SPEF2: variants seen among roughly 807,000 people sequenced by gnomAD.
The protein encoded by SPEF2 is sperm flagellar and cilia associated 2, also known as sperm flagella and cilia-associated protein 2.
In SPEF2, 187 loss-of-function variants were observed where a neutral mutation model predicts 224.6. The observed-to-expected ratio is 0.83, with a 90% CI of 0.74 to 0.94. The LOEUF is 0.94. SPEF2 is among the 40% of genes least tolerant of loss of function. SPEF2 has a pLI of 0.00. For synonymous variants in SPEF2, 715 were observed against 707.3 expected (o/e 1.01, Z -0.17); for missense variants, 2,170 against 2,135.6 (o/e 1.02, Z -0.32).
intron 36 of SPEF2, 138 bp downstream of exon 36, chr5:35,807,391 C>A: frequency 1.5e-6 from 2 of 1,306,132 alleles, no homozygotes; most frequent in Non-Finnish European, 2.1e-6. Flanking sequence ...AGAAGCTAAG[C>A]TGGTAATCAC....
At chr5:35,803,612 T>C (rs1409486832) in intron 34 of SPEF2, among the ~76,000 whole-genome samples, 1 of 152,200 alleles carries the variant, frequency 6.6e-6, no homozygotes, top group Non-Finnish European at 1.5e-5. Context: ...ACCTTCTTCA[T>C]TCTCACTCAC....
At chr5:35,751,096 C>CACACATATATATATATAT (rs1554048857) in intron 23 of SPEF2, among the ~76,000 whole-genome samples, 2 of 30,620 alleles carry the variant, frequency 6.5e-5, no homozygotes, top group Non-Finnish European at 1.3e-4. Flanking sequence ...CACACACACA[C>CACACATATATATATATAT]ATATATATAT....
intron 23 of SPEF2, among the ~76,000 whole-genome samples, chr5:35,750,862 A>T (rs1347315520): frequency 6.6e-6 from 1 of 150,878 alleles, no homozygotes; most frequent in African/African-American, 2.4e-5. Flanking sequence ...CCCAGAGGAA[A>T]AGAAGTCATT....
chr5:35,665,584 C>G (rs1320652129), intron 8 of SPEF2, among the ~76,000 whole-genome samples: 1 of 152,068 alleles, frequency 6.6e-6, no homozygotes, highest in African/African-American at 2.4e-5. Context: ...TCCTCACATC[C>G]TAAATATTTC....
At chr5:35,763,008 T>G (rs1367728948) in intron 25 of SPEF2, among the ~76,000 whole-genome samples, 1 of 152,156 alleles carries the variant, frequency 6.6e-6, no homozygotes, top group East Asian at 1.9e-4. Context: ...CACATTAGTA[T>G]TAGTCATGTG....
chr5:35,627,824 C>T (rs1744484409), intron 1 of SPEF2, among the ~76,000 whole-genome samples: 2 of 152,128 alleles, frequency 1.3e-5, no homozygotes, highest in African/African-American at 4.8e-5. Flanking sequence ...TAGTAAGGGG[C>T]AGAGCCAAGA....
At chr5:35,806,569 C>G in intron 34 of SPEF2, 138 bp from the exon 35 acceptor site, 1 of 1,089,134 alleles carries the variant, frequency 9.2e-7, no homozygotes, top group South Asian at 1.7e-5. Context: ...GTATTCTCCT[C>G]TAGACTGGTT....
intron 23 of SPEF2, among the ~76,000 whole-genome samples, chr5:35,746,631 A>C (rs1324915524): frequency 6.6e-6 from 1 of 152,022 alleles, no homozygotes; most frequent in African/African-American, 2.4e-5. Context: ...ATGAAAAAAG[A>C]AAAAGAAAAT....
intron 6 of SPEF2, among the ~76,000 whole-genome samples, chr5:35,651,390 A>G (rs548668134): frequency 1.3e-5 from 2 of 152,132 alleles, no homozygotes; most frequent in South Asian, 4.1e-4. Context: ...ACCCTCACTT[A>G]CAGCAGGAGG....
intron 13 of SPEF2, among the ~76,000 whole-genome samples, chr5:35,694,735 T>C (rs1353241650): frequency 2.6e-5 from 4 of 152,196 alleles, no homozygotes. Context: ...TTCTACGTGC[T>C]CCTGCTTTGT....
At chr5:35,717,620 G>A (rs543226043) in intron 20 of SPEF2, among the ~76,000 whole-genome samples, 1 of 152,228 alleles carries the variant, frequency 6.6e-6, no homozygotes, top group East Asian at 1.9e-4. Context: ...GGGAAAAAAA[G>A]AGGAAAACGG....
chr5:35,641,238 A>C (rs528158548), intron 2 of SPEF2, among the ~76,000 whole-genome samples, 193 bp from the exon 3 acceptor site: 58 of 152,314 alleles, frequency 3.8e-4, no homozygotes, highest in Middle Eastern at 3.4e-3. Context: ...AAATGAATGC[A>C]TAGAGTTCAG....
Position 35,722,487 on chromosome 5 carries a change from T to C in SPEF2, c.2915-5188T>C, listed in dbSNP as rs188409738. Among the ~76,000 whole-genome samples, 774 of 151,898 alleles carry C rather than the reference T, an allele frequency of 5.1e-3. 8 individuals are homozygous for C. The highest frequency in any genetic ancestry group is 0.017 in the African/African-American group (718 of 41,396). ...TTTGTTTTTTTTTTCAAGGTTTTTT[T>C]TCTTTTATTATTATACTTTAAGTTT... is the stretch of plus-strand genomic sequence containing the variant. On this transcript the variant is annotated intron_variant, in intron 20 of 36. Transcript: ENST00000356031.
rs751868176 is a variant in SPEF2 at position 35,708,979 on chromosome 5, G to GA, written c.2703dup (p.Ala902SerfsTer7). On this transcript the variant is annotated frameshift_variant, in exon 19 of 37. Coordinates refer to ENST00000356031, the MANE Select transcript of SPEF2 (RefSeq NM_024867.4). LOFTEE classifies it high-confidence loss of function. ...AGAAATTAGAAGAAAAGGAAGCTGA[G>GA]AAAAAAGCAGCAGCTTCCCTGGCTG... 1.2e-6 allele frequency: 2 copies of GA among 1,612,372 alleles called. No homozygotes were observed. The highest frequency in any genetic ancestry group is 8.5e-7 in the Non-Finnish European group (1 of 1,179,628).
At chr5:35,776,518 A>G in intron 29 of SPEF2, 123 bp downstream of exon 29, 1 of 992,218 alleles carries the variant, frequency 1.0e-6, no homozygotes, top group South Asian at 1.7e-5. Flanking sequence ...GCCTTTTAGG[A>G]AATCACGTGT....
intron 1 of SPEF2, among the ~76,000 whole-genome samples, chr5:35,620,460 G>T (rs1426003263): frequency 6.6e-6 from 1 of 152,040 alleles, no homozygotes; most frequent in South Asian, 2.1e-4. Flanking sequence ...AGATTAAATG[G>T]GATATTAAAT....
Position 35,776,338 on chromosome 5 carries a change from A to T in SPEF2, c.4160A>T (p.Asp1387Val). ...LLEDLVTKVV[D>V]VYKLMEKWLG... ...GAAGATTTAGTAACAAAGGTGGTTGATGTATATAAACTCATGGAAAAATGG... is the reference window on the plus strand; with the variant it reads ...GAAGATTTAGTAACAAAGGTGGTTGTTGTATATAAACTCATGGAAAAATGG... The change falls in exon 29 of 37, where the codon GAT becomes GTT. Residue 1387 changes from aspartate to valine, a missense_variant. Coordinates refer to ENST00000356031, the MANE Select transcript of SPEF2 (RefSeq NM_024867.4). 2.5e-6 allele frequency: 4 copies of T among 1,613,190 alleles called. No individual in the cohort carries two copies. Among genetic ancestry groups the T allele is most frequent in the Non-Finnish European group, 3.4e-6 (4 of 1,179,510 alleles).
At chr5:35,676,420 T>G (rs1333245741) in intron 10 of SPEF2, among the ~76,000 whole-genome samples, 1 of 152,210 alleles carries the variant, frequency 6.6e-6, no homozygotes, top group Non-Finnish European at 1.5e-5. Flanking sequence ...TAGAGTTGGC[T>G]ATAAAGTTTT....
intron 23 of SPEF2, among the ~76,000 whole-genome samples, chr5:35,745,130 G>A (rs1299756084): frequency 6.6e-6 from 1 of 152,188 alleles, no homozygotes; most frequent in East Asian, 1.9e-4. Flanking sequence ...AGAGCTGAGC[G>A]AAATACAGGG....
Sources: allele counts gnomAD v4.1 joint callset (sites outside exome capture counted in the v4.1 genomes callset), GRCh38; gene constraint gnomAD v4.1.1; transcripts MANE v1.5; gene names NCBI Gene and HGNC (gene_info 2026-07-23, HGNC 2026-07-21).